Variants in IGF1 observed in about 807,000 individuals in gnomAD.
IGF1 encodes insulin-like growth factor 1.
In IGF1, 4 loss-of-function variants were observed where a neutral mutation model predicts 13.8. The observed-to-expected ratio is 0.29, with a 90% confidence interval of 0.14 to 0.66. The LOEUF (loss-of-function observed/expected upper bound fraction) is 0.66, where lower values mean the gene tolerates loss of function less well. Ranked by LOEUF, IGF1 falls within the 30% of genes least tolerant of loss-of-function variation. The pLI is 0.78. For synonymous variants in IGF1, 76 were observed against 72.6 expected (o/e 1.05, Z -0.23); for missense variants, 124 against 188.5 (o/e 0.66, Z 2.00).
rs1255525289 is a variant in IGF1 at position 102,475,790 on chromosome 12, G to A, written c.73C>T (p.His25Tyr). Residue 25 changes from histidine to tyrosine, a missense_variant, in exon 2 of 4, where the codon CAC becomes TAC. By Grantham distance (83) the His-to-Tyr change is moderately conservative. Coordinates refer to ENST00000337514, the MANE Select transcript of IGF1 (RefSeq NM_000618.5). ...AAGAGATGCGAGGAGGACATGGTGTGCATCTTCACCTGCCCAAGAAACAGA... is the reference window on the plus strand; with the variant it reads ...AAGAGATGCGAGGAGGACATGGTGTACATCTTCACCTGCCCAAGAAACAGA... ...CFCDFLKVKMHTMSSSHLFYL... is the reference protein window; with the variant it reads ...CFCDFLKVKMYTMSSSHLFYL... The A allele has an allele frequency of 1.9e-6, 3 of 1,613,068 alleles. No individual in the cohort carries two copies. Among genetic ancestry groups the A allele is most frequent in the Non-Finnish European group, 2.5e-6 (3 of 1,179,570 alleles).
intron 2 of IGF1, among the ~76,000 whole-genome samples, chr12:102,420,562 A>T (rs1875617761): frequency 6.6e-6 from 1 of 151,936 alleles, no homozygotes; most frequent in Non-Finnish European, 1.5e-5. Context: ...GTCACTATTG[A>T]CCGTGTACAG....
intron 2 of IGF1, among the ~76,000 whole-genome samples, chr12:102,459,986 A>G (rs897517628): frequency 1.3e-5 from 2 of 152,214 alleles, no homozygotes; most frequent in African/African-American, 4.8e-5. Context: ...GGAGTGGCAT[A>G]GGTCAATGTA....
At chr12:102,480,214 C>T (rs141726062) in intron 1 of IGF1, 105 bp downstream of exon 1, 179 of 1,138,642 alleles carry the variant, frequency 1.6e-4, no homozygotes, top group Non-Finnish European at 2.1e-4. Flanking sequence ...CTCTCGGTTC[C>T]GAAACAATGA....
chr12:102,440,941 T>C (rs146029416), intron 2 of IGF1, among the ~76,000 whole-genome samples: 1 of 152,364 alleles, frequency 6.6e-6, no homozygotes, highest in East Asian at 1.9e-4. Flanking sequence ...TGTAATTAGA[T>C]GGTGCTCAGT....
chr12:102,471,947 TTC>T (rs1443533503), intron 2 of IGF1, among the ~76,000 whole-genome samples: 3 of 152,176 alleles, frequency 2.0e-5, no homozygotes, highest in African/African-American at 7.2e-5. Flanking sequence ...TAAGCTTCAC[TTC>T]TCCTATTTCA....
chr12:102,436,500 A>G (rs1341297581), intron 2 of IGF1, among the ~76,000 whole-genome samples: 3 of 152,146 alleles, frequency 2.0e-5, no homozygotes, highest in Admixed American at 6.5e-5. Context: ...CCTTTGCCCT[A>G]TAACCTCCTA....
At chr12:102,421,640 A>G (rs142719114) in intron 2 of IGF1, among the ~76,000 whole-genome samples, 1 of 152,320 alleles carries the variant, frequency 6.6e-6, no homozygotes, top group East Asian at 1.9e-4. Context: ...ATTGGGATTC[A>G]TTTGTTGATT....
Position 102,398,298 on chromosome 12 carries a change from C to G in IGF1, c.*4209G>C, listed in dbSNP as rs1873393588. 1 of 152,560 alleles carries G rather than the reference C, an allele frequency of 6.6e-6. No individual in the cohort carries two copies. Among genetic ancestry groups the G allele is most frequent in the African/African-American group, 2.4e-5 (1 of 41,446 alleles). The allele number at this position is 152,560 out of a possible 1,614,324, so 9.5% of individuals were successfully genotyped here. A position where few individuals can be genotyped will look rare whatever the true frequency, so the allele number is the denominator to read the frequency against. On this transcript the variant is annotated 3_prime_UTR_variant, in exon 4 of 4. Transcript: ENST00000337514. ...TGTCTGGGTGAAGGGAGAATGTCTTCTATAAACCAGTAAATGCCAAAGAAT... is the reference window on the plus strand; with the variant it reads ...TGTCTGGGTGAAGGGAGAATGTCTTGTATAAACCAGTAAATGCCAAAGAAT...
chr12:102,426,309 G>A (rs1182583839), intron 2 of IGF1, among the ~76,000 whole-genome samples: 6 of 152,204 alleles, frequency 3.9e-5, no homozygotes, highest in Non-Finnish European at 2.9e-5. Context: ...GGACTGGCAT[G>A]AAGATTAAGT....
Position 102,399,219 on chromosome 12 carries a change from A to C in IGF1, c.*3288T>G, listed in dbSNP as rs544846167. On this transcript the variant is annotated 3_prime_UTR_variant, in exon 4 of 4. Coordinates refer to ENST00000337514, the MANE Select transcript of IGF1 (RefSeq NM_000618.5). The stretch of plus-strand genomic sequence containing the variant: ...GTGGATTCTGATGGAGAGCTGCATT[A>C]ACTTTTTCAGGGGAACTGCCTCATC... 4.0e-4 allele frequency: 61 copies of C among 152,204 alleles called. No individual in the cohort carries two copies. Among genetic ancestry groups the C allele is most frequent in the Non-Finnish European group, 6.0e-4 (41 of 67,910 alleles). The allele number at this position is 152,204 out of a possible 1,614,324, so 9.4% of individuals were successfully genotyped here.
At chr12:102,408,904 C>T (rs920825796) in intron 3 of IGF1, among the ~76,000 whole-genome samples, 3 of 152,194 alleles carry the variant, frequency 2.0e-5, no homozygotes, top group Admixed American at 1.3e-4. Context: ...CTTTGCCTAT[C>T]CTCCCCTATT....
intron 2 of IGF1, among the ~76,000 whole-genome samples, chr12:102,445,965 G>C (rs542227449): frequency 6.6e-6 from 1 of 152,216 alleles, no homozygotes; most frequent in Non-Finnish European, 1.5e-5. Flanking sequence ...TTTATTGAAG[G>C]CCTTTTCTGC....
intron 1 of IGF1, among the ~76,000 whole-genome samples, chr12:102,479,950 A>C (rs1288107460): frequency 6.9e-6 from 1 of 145,080 alleles, no homozygotes; most frequent in Middle Eastern, 3.2e-3. Context: ...CATGGTCTTA[A>C]AAATAAAACA....
chr12:102,455,565 CCA>C (rs1292371444), intron 2 of IGF1, among the ~76,000 whole-genome samples: 1 of 152,106 alleles, frequency 6.6e-6, no homozygotes, highest in Non-Finnish European at 1.5e-5. Context: ...GGGAGGAGTT[CCA>C]CACAGAGGTC....
chr12:102,481,191 T>C (rs1881369710), upstream of IGF1, among the ~76,000 whole-genome samples: 1 of 152,172 alleles, frequency 6.6e-6, no homozygotes, highest in African/African-American at 2.4e-5. Context: ...GCAAAGACTA[T>C]GCCGAGCTGT....
intron 2 of IGF1, among the ~76,000 whole-genome samples, chr12:102,458,059 C>T (rs1189089367): frequency 3.3e-5 from 5 of 152,204 alleles, no homozygotes. Context: ...TCAAAATTCA[C>T]TAAGTTGGAT....
At chr12:102,460,996 G>T (rs1481701278) in intron 2 of IGF1, among the ~76,000 whole-genome samples, 1 of 152,072 alleles carries the variant, frequency 6.6e-6, no homozygotes, top group African/African-American at 2.4e-5. Flanking sequence ...GGAATGTCTT[G>T]GTTCATTTAC....
intron 1 of IGF1, among the ~76,000 whole-genome samples, chr12:102,477,968 A>G (rs920471907): frequency 3.3e-5 from 5 of 150,878 alleles, no homozygotes; most frequent in Middle Eastern, 3.4e-3. Context: ...TAAGAATTTA[A>G]GATTTTTTTT....
chr12:102,409,791 T>A (rs937091240), intron 3 of IGF1, among the ~76,000 whole-genome samples: 6 of 152,242 alleles, frequency 3.9e-5, no homozygotes, highest in Admixed American at 3.9e-4. Flanking sequence ...TCTGCAAGCT[T>A]CATGTGAAGA....
Sources: gnomAD v4.1 joint callset for allele counts (sites outside exome capture counted in the v4.1 genomes callset) on GRCh38, gnomAD v4.1.1 for gene constraint, MANE v1.5 for transcripts, NCBI Gene and HGNC (gene_info 2026-07-23, HGNC 2026-07-21) for gene names.